RASSF3: variants seen among roughly 807,000 people sequenced by gnomAD.
RASSF3 encodes the protein Ras association domain family member 3.
RASSF3 carries 19 observed loss-of-function variants against 19.9 expected under a neutral mutation model. The observed-to-expected ratio is 0.96, with a 90% CI of 0.67 to 1.40. The LOEUF is 1.40. Ranked by LOEUF, RASSF3 falls within the 40% of genes most tolerant of loss-of-function variation. The pLI, the probability that RASSF3 is intolerant of heterozygous loss-of-function variation, is 0.00. For synonymous variants in RASSF3, 110 were observed against 104.2 expected (o/e 1.06, Z -0.34); for missense variants, 306 against 289.8 (o/e 1.06, Z -0.41).
downstream of RASSF3, chr12:64,541,780 T>C (rs547553235): frequency 5.0e-6 from 2 of 397,550 alleles, no homozygotes; most frequent in South Asian, 2.6e-4. Context: ...GAATGGTCTT[T>C]TTATCTCCAT....
At chr12:64,516,998 CAAAAAAAAA>C (rs371430838) in intron 1 of RASSF3, among the ~76,000 whole-genome samples, 20 of 51,970 alleles carry the variant, frequency 3.8e-4, no homozygotes, top group African/African-American at 1.1e-3. Flanking sequence ...AAATCTGTCT[CAAAAAAAAA>C]AAAAAAAAAA....
intron 1 of RASSF3, among the ~76,000 whole-genome samples, chr12:64,624,136 T>C (rs1565853238): frequency 6.6e-6 from 1 of 151,950 alleles, no homozygotes; most frequent in Non-Finnish European, 1.5e-5. Flanking sequence ...GCTTATTGTG[T>C]AGCGGAACGA....
chr12:64,674,124 A>C (rs1331047503), intron 1 of RASSF3, among the ~76,000 whole-genome samples: 1 of 152,148 alleles, frequency 6.6e-6, no homozygotes, highest in East Asian at 1.9e-4. Context: ...GAGAGTATTT[A>C]GGGGGCATGC....
chr12:64,545,033 G>A (rs577435052), downstream of RASSF3, among the ~76,000 whole-genome samples: 42 of 152,326 alleles, frequency 2.8e-4, no homozygotes, highest in Middle Eastern at 3.4e-3. Flanking sequence ...AGCTTTTCTG[G>A]CAGATTGATG....
intron 1 of RASSF3, among the ~76,000 whole-genome samples, chr12:64,525,177 G>A (rs1868558996): frequency 6.6e-6 from 1 of 152,222 alleles, no homozygotes; most frequent in South Asian, 2.1e-4. Context: ...TCGGGAGGCT[G>A]AGGCAGGAGA....
intron 2 of RASSF3, among the ~76,000 whole-genome samples, chr12:64,587,718 T>C (rs1401165949): frequency 6.6e-6 from 1 of 152,218 alleles, no homozygotes; most frequent in Admixed American, 6.5e-5. Context: ...TCCACAGTTG[T>C]GGCTTCTATA....
intron 1 of RASSF3, among the ~76,000 whole-genome samples, chr12:64,673,929 T>A (rs749760764): frequency 7.9e-5 from 12 of 151,998 alleles, no homozygotes; most frequent in Non-Finnish European, 1.6e-4. Context: ...AGTGGCTGTT[T>A]GACTGTTGGC....
chr12:64,615,863 C>T (rs531922000), intron 1 of RASSF3, among the ~76,000 whole-genome samples: 30 of 152,022 alleles, frequency 2.0e-4, no homozygotes, highest in South Asian at 8.3e-4. Flanking sequence ...TTAGTAGAGA[C>T]GGGCTTTCAC....
intron 1 of RASSF3, among the ~76,000 whole-genome samples, chr12:64,632,568 G>A (rs1410888767): frequency 2.0e-5 from 3 of 152,124 alleles, no homozygotes; most frequent in Non-Finnish European, 2.9e-5. Flanking sequence ...ATCGACCAGG[G>A]TGAGGGGAGG....
chr12:64,669,880 T>G (rs1048106599), intron 1 of RASSF3, among the ~76,000 whole-genome samples: 2 of 131,182 alleles, frequency 1.5e-5, no homozygotes, highest in African/African-American at 5.9e-5. Context: ...TGTAAATTGC[T>G]GTAAATTACC....
chr12:64,653,232 G>A (rs936617637), intron 1 of RASSF3, among the ~76,000 whole-genome samples: 4 of 152,042 alleles, frequency 2.6e-5, no homozygotes, highest in African/African-American at 9.7e-5. Context: ...ACCAGGCCTT[G>A]CTAATTTTTT....
In RASSF3 at chr12:64,694,783, A is replaced by G; in HGVS notation, c.588A>G (p.Pro196=). 4 of 1,614,242 alleles carry G rather than the reference A, an allele frequency of 2.5e-6. No homozygotes were observed. Among genetic ancestry groups the G allele is most frequent in the Non-Finnish European group, 3.4e-6 (4 of 1,180,030 alleles). ...GACAGTGGGAAGCCTTCAGCCTTCC[A>G]GAACTACAGAATTTCTTGCGCATCT... is the stretch of plus-strand genomic sequence containing the variant. The part of the protein sequence containing the change: ...EIGEWEAFSL[P]ELQNFLRILD... The change falls in exon 5 of 5, where the codon CCA becomes CCG. Residue 196 remains proline (P), a synonymous_variant. Transcript: ENST00000542104.
intron 1 of RASSF3, among the ~76,000 whole-genome samples, chr12:64,667,731 G>T (rs914200686): frequency 2.6e-5 from 4 of 152,154 alleles, no homozygotes; most frequent in Non-Finnish European, 5.9e-5. Context: ...TGCTGATCAG[G>T]GTTAGAGCTG....
Position 64,688,383 on chromosome 12 carries a change from C to G in RASSF3, c.387C>G (p.Leu129=). The G allele has an allele frequency of 6.2e-7, 1 of 1,614,214 alleles. No homozygotes were observed. The highest frequency in any genetic ancestry group is 8.5e-7 in the Non-Finnish European group (1 of 1,180,048). ...TCGGGGAAGTGATCGAGGCCCTGCT[C>G]AAAAAGTTTCTCGTGACTGAGAGCC... ...NTVGEVIEAL[L]KKFLVTESPA... is the part of the protein sequence containing the mutation. Residue 129 remains leucine (L), a synonymous_variant, in exon 3 of 5, where the codon CTC becomes CTG. Coordinates refer to ENST00000542104, the MANE Select transcript of RASSF3 (RefSeq NM_178169.4).
chr12:64,645,475 C>T (rs535517972), intron 1 of RASSF3, among the ~76,000 whole-genome samples: 8 of 152,040 alleles, frequency 5.3e-5, no homozygotes, highest in East Asian at 1.9e-4. Flanking sequence ...GAGTTTGAGA[C>T]CAGCCTGGGC....
intron 1 of RASSF3, among the ~76,000 whole-genome samples, chr12:64,616,700 C>G (rs1870565727): frequency 6.6e-6 from 1 of 152,220 alleles, no homozygotes; most frequent in Non-Finnish European, 1.5e-5. Flanking sequence ...GCATCTTCCT[C>G]TGTTTGAAGA....
At chr12:64,624,322 G>T (rs1437255209) in intron 1 of RASSF3, among the ~76,000 whole-genome samples, 3 of 152,022 alleles carry the variant, frequency 2.0e-5, no homozygotes, top group African/African-American at 7.3e-5. Flanking sequence ...GGCTAAAAGG[G>T]TGTGTGTTCT....
chr12:64,562,040 CAG>C lies in RASSF3; in HGVS notation c.294+20338_294+20339del, dbSNP rs1034760330. On this transcript the variant is annotated intron_variant, in intron 2 of 5. Transcript: ENST00000637125. ...TTATTTATTTTTGTTTGTTTTGAGA[CAG>C]AGTCTTGCTCTGTTGCCCAGGCTGG... 5.6e-4 allele frequency among the ~76,000 whole-genome samples: 60 copies of C among 107,586 alleles called. 1 individual carries two copies. Among genetic ancestry groups the C allele is most frequent in the African/African-American group, 1.5e-3 (53 of 36,360 alleles). 70.6% of individuals were successfully genotyped at this position (107,586 alleles called of 152,430 possible).
At chr12:64,590,524 G>A (rs959817754) in intron 2 of RASSF3, among the ~76,000 whole-genome samples, 3 of 152,132 alleles carry the variant, frequency 2.0e-5, no homozygotes, top group Non-Finnish European at 2.9e-5. Context: ...ATATGTGCAC[G>A]CAAACATTTT....
Sources: allele counts gnomAD v4.1 joint callset (sites outside exome capture counted in the v4.1 genomes callset), GRCh38; gene constraint gnomAD v4.1.1; transcripts MANE v1.5; gene names NCBI Gene and HGNC (gene_info 2026-07-23, HGNC 2026-07-21).